PRRC2B: variants seen among roughly 807,000 people sequenced by gnomAD.
PRRC2B encodes the protein proline rich coiled-coil 2B, also known as protein PRRC2B.
PRRC2B carries 68 observed loss-of-function variants against 242.3 expected under a neutral mutation model. That is an observed-to-expected ratio of 0.28 (90% CI 0.23 to 0.34). The LOEUF is 0.34. PRRC2B is among the 10% of genes least tolerant of loss of function. The pLI is 1.00. For synonymous variants in PRRC2B, 1,228 were observed against 1,173.6 expected (o/e 1.05, Z -0.95); for missense variants, 2,835 against 2,954.8 (o/e 0.96, Z 0.94).
chr9:131,477,351 C>T (rs575664102), intron 16 of PRRC2B, among the ~76,000 whole-genome samples: 66 of 152,348 alleles, frequency 4.3e-4, no homozygotes, highest in African/African-American at 1.5e-3. Context: ...GCTTTCCAGG[C>T]GCCAGAGGCT....
intron 29 of PRRC2B, 74 bp downstream of exon 29, chr9:131,491,654 A>G: frequency 7.2e-7 from 1 of 1,380,650 alleles, no homozygotes; most frequent in Non-Finnish European, 9.8e-7. Flanking sequence ...CAAGCTAAGT[A>G]CCCCTGTGTG....
intron 19 of PRRC2B, among the ~76,000 whole-genome samples, chr9:131,481,309 T>TC (rs1258241721): frequency 1.1e-3 from 10 of 8,850 alleles, no homozygotes; most frequent in Admixed American, 5.9e-3. Context: ...AGACTCCGTC[T>TC]CCAAAAAAAA....
At chr9:131,479,720 C>T (rs1006757621) in intron 19 of PRRC2B, among the ~76,000 whole-genome samples, 1 of 152,180 alleles carries the variant, frequency 6.6e-6, no homozygotes, top group African/African-American at 2.4e-5. Flanking sequence ...TCGTCGTTTT[C>T]TCCCACTAAC....
At chr9:131,382,588 T>C (rs1275936071) in intron 1 of PRRC2B, among the ~76,000 whole-genome samples, 1 of 151,866 alleles carries the variant, frequency 6.6e-6, no homozygotes, top group African/African-American at 2.4e-5. Flanking sequence ...AAGGGCCCCC[T>C]GCTGCTGGTT....
intron 1 of PRRC2B, among the ~76,000 whole-genome samples, chr9:131,399,157 TC>T (rs1837150713): frequency 6.8e-6 from 1 of 147,948 alleles, no homozygotes; most frequent in Admixed American, 6.9e-5. Context: ...GTGCCTGTAG[TC>T]CCAGCTACTC....
intron 14 of PRRC2B, among the ~76,000 whole-genome samples, chr9:131,472,492 TTTG>T: frequency 6.8e-6 from 1 of 148,020 alleles, no homozygotes. Flanking sequence ...TTTTTTTTTT[TTTG>T]AGACAGAGTC....
At chr9:131,418,871 A>G (rs1406378199) in intron 1 of PRRC2B, among the ~76,000 whole-genome samples, 1 of 152,268 alleles carries the variant, frequency 6.6e-6, no homozygotes, top group Admixed American at 6.5e-5. Flanking sequence ...GTCAAAACAC[A>G]GTAGAACACG....
At chr9:131,416,057 C>T (rs1837639406) in intron 1 of PRRC2B, among the ~76,000 whole-genome samples, 2 of 151,538 alleles carry the variant, frequency 1.3e-5, no homozygotes, top group Non-Finnish European at 1.5e-5. Flanking sequence ...TCCCATCGCT[C>T]ATTTTCTGAG....
rs1329712802 is a variant in PRRC2B, at chr9:131,475,955, G to A, written c.3826G>A (p.Ala1276Thr). The A allele has an allele frequency of 1.1e-5, 18 of 1,613,474 alleles. No individual in the cohort carries two copies. The highest frequency in any genetic ancestry group is 4.5e-5 in the East Asian group (2 of 44,876). The change falls in exon 16 of 32, where the codon GCG (alanine) becomes ACG (threonine). Residue 1276 changes from alanine (A) to threonine (T), a missense_variant. By Grantham distance (58) the Ala-to-Thr change is moderately conservative (BLOSUM62 0). Coordinates refer to ENST00000683519, the MANE Select transcript of PRRC2B (RefSeq NM_013318.4). ...TGGCCGGGGCTTTGAGGACAGCCGCGCGGAGGACAAGAGATCCTTCTTCCA... is the reference window on the plus strand; with the variant it reads ...TGGCCGGGGCTTTGAGGACAGCCGCACGGAGGACAAGAGATCCTTCTTCCA... ...FGGRGFEDSR[A>T]EDKRSFFQDE...
chr9:131,439,118 CT>C (rs57604450), intron 5 of PRRC2B, 57 bp downstream of exon 5: 4 of 1,464,892 alleles, frequency 2.7e-6, no homozygotes, highest in East Asian at 2.3e-5. Flanking sequence ...AGGTGAATGC[CT>C]TTTCCAGAAT....
At chr9:131,394,504 T>G (rs1836986894) in intron 1 of PRRC2B, among the ~76,000 whole-genome samples, 1 of 146,124 alleles carries the variant, frequency 6.8e-6, no homozygotes, top group African/African-American at 2.5e-5. Flanking sequence ...TCGCCATTGT[T>G]GTGGCGGCGC....
intron 14 of PRRC2B, among the ~76,000 whole-genome samples, chr9:131,471,485 G>A (rs187129775): frequency 6.6e-6 from 1 of 152,188 alleles, no homozygotes; most frequent in East Asian, 1.9e-4. Flanking sequence ...AATTTCTAAT[G>A]TAGTTGCTCT....
chr9:131,458,892 G>A (rs903870072), intron 10 of PRRC2B, among the ~76,000 whole-genome samples: 1 of 152,218 alleles, frequency 6.6e-6, no homozygotes, highest in African/African-American at 2.4e-5. Context: ...GGTTGGACAA[G>A]CTTGCTTTAA....
chr9:131,386,350 C>T (rs1050923620), intron 1 of PRRC2B, among the ~76,000 whole-genome samples: 1 of 150,278 alleles, frequency 6.7e-6, no homozygotes, highest in African/African-American at 2.4e-5. Context: ...CTCCTGGGTT[C>T]AAGCAGTTTT....
chr9:131,475,725 G>C lies in PRRC2B; in HGVS notation c.3596G>C (p.Arg1199Pro), dbSNP rs1042601317. The C allele has an allele frequency of 6.2e-7, 1 of 1,613,060 alleles. No homozygotes were observed. Among genetic ancestry groups the C allele is most frequent in the African/African-American group, 1.3e-5 (1 of 74,930 alleles). ...CTAGATGCCAAGAGCCGAGGCCCTCGGGCCTTTGGGCGAGCCCTCCCTCCC... is the reference window on the plus strand; with the variant it reads ...CTAGATGCCAAGAGCCGAGGCCCTCCGGCCTTTGGGCGAGCCCTCCCTCCC... ...SGLDAKSRGP[R>P]AFGRALPPRL... The change falls in exon 16 of 32, where the codon CGG (arginine) becomes CCG (proline). Residue 1199 changes from arginine (R) to proline (P), a missense_variant. By Grantham distance (103) the Arg-to-Pro change is moderately radical. This residue lies in a region of PRRC2B where 1,536 missense variants were observed against 1,483.1 expected (regional missense o/e 1.04). Transcript: ENST00000683519.
intron 5 of PRRC2B, among the ~76,000 whole-genome samples, chr9:131,440,890 G>A (rs62582216): frequency 1.3e-5 from 2 of 151,982 alleles, no homozygotes; most frequent in South Asian, 2.1e-4. Context: ...GCTTGAGTCC[G>A]GTAGTTCGAG....
At chr9:131,437,118 C>T (rs1838399493) in intron 4 of PRRC2B, among the ~76,000 whole-genome samples, 1 of 152,120 alleles carries the variant, frequency 6.6e-6, no homozygotes, top group African/African-American at 2.4e-5. Context: ...AAAAGGTTCA[C>T]TGGCCAGGTG....
chr9:131,490,631 C>G (rs760931210), intron 28 of PRRC2B: 2 of 518,306 alleles, frequency 3.9e-6, no homozygotes, highest in Non-Finnish European at 7.7e-6. Context: ...GTCTCTGGGC[C>G]CACATCCCCA....
chr9:131,416,256 A>G (rs1837647577), intron 1 of PRRC2B, among the ~76,000 whole-genome samples: 1 of 152,084 alleles, frequency 6.6e-6, no homozygotes, highest in Non-Finnish European at 1.5e-5. Context: ...TTACAGGCGC[A>G]TGCCACCACG....
Sources: gnomAD v4.1 joint callset for allele counts (sites outside exome capture counted in the v4.1 genomes callset) on GRCh38, gnomAD v4.1.1 for gene constraint, gnomAD v4.1.1 regional missense constraint, MANE v1.5 for transcripts, NCBI Gene and HGNC (gene_info 2026-07-23, HGNC 2026-07-21) for gene names.